Variants in MYO3B observed in about 807,000 individuals in gnomAD.
MYO3B encodes the protein myosin IIIB.
In MYO3B, 156 loss-of-function variants were observed where a neutral mutation model predicts 174.6. The ratio of observed to expected loss-of-function variants is 0.89; its 90% CI spans 0.78 to 1.02. The LOEUF (loss-of-function observed/expected upper bound fraction) is 1.02, where lower values mean the gene tolerates loss of function less well. MYO3B is among the 50% of genes least tolerant of loss of function. The pLI is 0.00. For missense variants in MYO3B, 1,632 were observed against 1,639.4 expected (o/e 1.00, Z 0.08); for synonymous variants, 563 against 569.1 (o/e 0.99, Z 0.15).
intron 7 of MYO3B, among the ~76,000 whole-genome samples, chr2:170,236,571 TC>T (rs1295597680): frequency 7.2e-5 from 11 of 152,250 alleles, no homozygotes; most frequent in Non-Finnish European, 1.5e-4. Context: ...AAATGTTACA[TC>T]AGCGCTATAT....
intron 5 of MYO3B, among the ~76,000 whole-genome samples, chr2:170,216,479 T>C (rs1184877310): frequency 6.6e-6 from 1 of 152,148 alleles, no homozygotes; most frequent in Non-Finnish European, 1.5e-5. Flanking sequence ...AAAAGCATAA[T>C]TGGGATGGAA....
intron 7 of MYO3B, among the ~76,000 whole-genome samples, chr2:170,262,890 C>T (rs1178715588): frequency 6.6e-6 from 1 of 152,198 alleles, no homozygotes; most frequent in African/African-American, 2.4e-5. Context: ...TCTGTCGTAG[C>T]ACCTAGCACC....
chr2:170,224,793 AGATGTGCTGTGAC>A (rs957535326), intron 6 of MYO3B, among the ~76,000 whole-genome samples: 25 of 152,324 alleles, frequency 1.6e-4, no homozygotes, highest in Admixed American at 1.1e-3. Flanking sequence ...GCAGAGAAAC[AGATGTGCTGTGAC>A]GGCTCCAAAA....
At chr2:170,587,865 A>T (rs1175016164) in intron 32 of MYO3B, among the ~76,000 whole-genome samples, 1 of 152,268 alleles carries the variant, frequency 6.6e-6, no homozygotes, top group African/African-American at 2.4e-5. Context: ...ATATGAAAGC[A>T]GCTGAAGAAT....
chr2:170,513,869 G>T (rs934860), intron 28 of MYO3B, among the ~76,000 whole-genome samples: 50,029 of 151,798 alleles, frequency 0.33, 8,965 homozygotes, highest in African/African-American at 0.47. Flanking sequence ...ACCAGAAGGA[G>T]GGAGAAAGAC....
intron 30 of MYO3B, among the ~76,000 whole-genome samples, chr2:170,522,234 T>C (rs1265527904): frequency 1.3e-5 from 2 of 152,096 alleles, no homozygotes; most frequent in Non-Finnish European, 2.9e-5. Context: ...AGCTCCACAC[T>C]CCTACACCCA....
intron 9 of MYO3B, among the ~76,000 whole-genome samples, chr2:170,374,199 A>T (rs2094270850): frequency 6.6e-6 from 1 of 152,200 alleles, no homozygotes; most frequent in African/African-American, 2.4e-5. Flanking sequence ...CTAGAGACTG[A>T]CTTCAGTGGA....
At chr2:170,244,755 A>G (rs115405255) in intron 7 of MYO3B, among the ~76,000 whole-genome samples, 2,238 of 152,292 alleles carry the variant, frequency 0.015, 120 homozygotes, top group Admixed American at 0.11. Context: ...GTTCATTGTA[A>G]ACAAGCCATG....
At position 170,653,236 on chromosome 2, in the gene MYO3B, A is replaced by G. The variant is rs1383052648; in HGVS notation, c.*115A>G. ...GTCAGCTTCTTTGGACATATGGTCC[A>G]TGCCTGAACCTTACTGAACCACTTG... is the stretch of plus-strand genomic sequence containing the variant. On this transcript the variant is annotated 3_prime_UTR_variant, in exon 35 of 35. Coordinates refer to ENST00000408978, the MANE Select transcript of MYO3B (RefSeq NM_138995.5). The G allele has an allele frequency of 2.3e-6, 3 of 1,293,976 alleles. No individual in the cohort carries two copies. The highest frequency in any genetic ancestry group is 1.3e-5 in the South Asian group (1 of 75,370). 80.2% of individuals were successfully genotyped at this position (1,293,976 alleles called of 1,614,324 possible).
intron 30 of MYO3B, among the ~76,000 whole-genome samples, chr2:170,537,300 G>A (rs1332972632): frequency 6.6e-6 from 1 of 151,404 alleles, no homozygotes; most frequent in Non-Finnish European, 1.5e-5. Context: ...AGTGAGCCAT[G>A]ATCTCACCAC....
intron 28 of MYO3B, among the ~76,000 whole-genome samples, chr2:170,510,055 T>G (rs2106111732): frequency 6.6e-6 from 1 of 152,312 alleles, no homozygotes; most frequent in East Asian, 1.9e-4. Flanking sequence ...TGGTAGCCAT[T>G]CTCGTCAATA....
chr2:170,387,274 C>T lies in MYO3B; in HGVS notation c.1543C>T (p.Leu515Phe), dbSNP rs747277587. Residue 515 changes from leucine to phenylalanine, a missense_variant, in exon 14 of 35, where the codon CTC (leucine) becomes TTC (phenylalanine). Physicochemically the swap from Leu to Phe is conservative, Grantham distance 22 (BLOSUM62 0). Coordinates refer to ENST00000408978, the MANE Select transcript of MYO3B (RefSeq NM_138995.5). ...VVMGARISEYLLEKSRVIKQA... is the reference protein window; with the variant it reads ...VVMGARISEYFLEKSRVIKQA... ...GATGGGGGCAAGAATCTCTGAATAT[C>T]TCCTGGAAAAATCCAGAGTTATAAA... 6.2e-7 allele frequency: 1 copy of T among 1,614,140 alleles called. No individual in the cohort carries two copies. Among genetic ancestry groups the T allele is most frequent in the Admixed American group, 1.7e-5 (1 of 60,022 alleles).
At chr2:170,430,373 G>GT (rs1323510640) in intron 22 of MYO3B, among the ~76,000 whole-genome samples, 2 of 109,482 alleles carry the variant, frequency 1.8e-5, no homozygotes, top group East Asian at 7.1e-4. Context: ...TTTCTGGATA[G>GT]CTTTTTTTTT....
At chr2:170,186,629 G>A (rs6709472) in intron 1 of MYO3B, among the ~76,000 whole-genome samples, 59,884 of 151,934 alleles carry the variant, frequency 0.39, 12,108 homozygotes, top group African/African-American at 0.49. Flanking sequence ...GGCTAATACC[G>A]GCCCCATAAA....
chr2:170,355,924 G>A (rs6723442), intron 8 of MYO3B, among the ~76,000 whole-genome samples: 2,514 of 151,764 alleles, frequency 0.017, 70 homozygotes, highest in African/African-American at 0.058. Flanking sequence ...ATGATGTAAG[G>A]CATCAGTTTA....
At position 170,402,891 on chromosome 2, in the gene MYO3B, G is replaced by A. The variant is rs776973200; in HGVS notation, c.2173G>A (p.Gly725Arg). 6.2e-7 allele frequency: 1 copy of A among 1,612,134 alleles called. No homozygotes were observed. Among genetic ancestry groups the A allele is most frequent in the South Asian group, 1.1e-5 (1 of 90,846 alleles). Reference sequence around the variant, plus strand: ...GAATGTGGGGATCTTGGATATCTTTGGATTCGAGAATTTTCAGAGAAATTC... The same window carrying A: ...GAATGTGGGGATCTTGGATATCTTTAGATTCGAGAATTTTCAGAGAAATTC... Reference protein sequence around the residue: ...GMNVGILDIFGFENFQRNSFE... With the variant: ...GMNVGILDIFRFENFQRNSFE... The change falls in exon 19 of 35, where the codon GGA (glycine) becomes AGA (arginine). Residue 725 changes from glycine (G) to arginine (R), a missense_variant. Physicochemically the swap from Gly to Arg is moderately radical, Grantham distance 125. Coordinates refer to ENST00000408978, the MANE Select transcript of MYO3B (RefSeq NM_138995.5).
At chr2:170,330,103 C>G (rs1026148376) in intron 7 of MYO3B, among the ~76,000 whole-genome samples, 2 of 152,176 alleles carry the variant, frequency 1.3e-5, no homozygotes, top group African/African-American at 4.8e-5. Context: ...ACACCCTCCT[C>G]CCCTAGTTAG....
chr2:170,601,656 T>A, intron 32 of MYO3B: 1 of 1,369,422 alleles, frequency 7.3e-7, no homozygotes, highest in Non-Finnish European at 1.0e-6. Flanking sequence ...ATCCTCTTCA[T>A]CTTCTGTCCT....
chr2:170,325,958 T>C (rs369193994), intron 7 of MYO3B, among the ~76,000 whole-genome samples: 5 of 152,320 alleles, frequency 3.3e-5, no homozygotes, highest in Admixed American at 1.3e-4. Context: ...GGAGAAGTCC[T>C]GTTTTTATTG....
Sources: allele counts gnomAD v4.1 joint callset (sites outside exome capture counted in the v4.1 genomes callset), GRCh38; gene constraint gnomAD v4.1.1; transcripts MANE v1.5; gene names NCBI Gene and HGNC (gene_info 2026-07-23, HGNC 2026-07-21).